SKIC3: variants seen among roughly 807,000 people sequenced by gnomAD.
SKIC3 encodes superkiller complex protein 3.
the SKIC3 span, chr5:95,514,714 T>C: frequency 1.4e-6 from 1 of 700,558 alleles, no homozygotes; most frequent in Non-Finnish European, 2.4e-6. Context: ...ACTGAAATAG[T>C]GTATACAAAG....
At chr5:95,529,313 C>G in the SKIC3 span, 1 of 606,510 alleles carries the variant, frequency 1.6e-6, no homozygotes. Flanking sequence ...CATCTTTATC[C>G]CAAATCACTA....
chr5:95,513,252 G>C, the SKIC3 span: 19 of 295,972 alleles, frequency 6.4e-5, no homozygotes, highest in East Asian at 1.3e-3. Context: ...CTGTTGCCCA[G>C]GCTGGAGTGC....
chr5:95,475,813 C>T, the SKIC3 span, among the ~76,000 whole-genome samples: 5 of 152,192 alleles, frequency 3.3e-5, no homozygotes, highest in Non-Finnish European at 7.3e-5. Context: ...GTAGTTTGGG[C>T]TGCAATCCAG....
the SKIC3 span, chr5:95,521,949 A>T: frequency 6.9e-7 from 1 of 1,455,462 alleles, no homozygotes; most frequent in Non-Finnish European, 9.4e-7. Flanking sequence ...CTGTTGACTA[A>T]AGAAGTCCTT....
At chr5:95,478,400 C>T in the SKIC3 span, 1 of 1,613,980 alleles carries the variant, frequency 6.2e-7, no homozygotes, top group South Asian at 1.1e-5. Flanking sequence ...CACATCTCTG[C>T]AGCTCTCATC....
chr5:95,537,056 T>C, the SKIC3 span: 1 of 1,613,516 alleles, frequency 6.2e-7, no homozygotes, highest in Admixed American at 1.7e-5. Context: ...GGATAAACTC[T>C]GAATGAAATG....
chr5:95,481,445 A>G, the SKIC3 span, among the ~76,000 whole-genome samples: 1 of 152,198 alleles, frequency 6.6e-6, no homozygotes. Flanking sequence ...TAAGTCCATT[A>G]AACCTCTTTC....
chr5:95,491,960 AAT>A, the SKIC3 span, among the ~76,000 whole-genome samples: 58 of 152,240 alleles, frequency 3.8e-4, no homozygotes, highest in African/African-American at 1.3e-3. Flanking sequence ...CACCCCACCC[AAT>A]ATATGTTTCT....
chr5:95,537,046 G>A, the SKIC3 span: 1 of 1,613,000 alleles, frequency 6.2e-7, no homozygotes, highest in South Asian at 1.1e-5. Context: ...AACTTACTTT[G>A]GATAAACTCT....
the SKIC3 span, chr5:95,546,894 A>G: frequency 3.1e-6 from 2 of 654,844 alleles, no homozygotes; most frequent in South Asian, 3.6e-5. Flanking sequence ...TGGCAGAGGT[A>G]GTTTATCCTG....
At chr5:95,536,782 C>T in the SKIC3 span, 1 of 1,527,934 alleles carries the variant, frequency 6.5e-7, no homozygotes, top group East Asian at 2.3e-5. Flanking sequence ...AATCACACAC[C>T]TCTAGGACAC....
the SKIC3 span, chr5:95,541,427 A>C: frequency 6.4e-7 from 1 of 1,568,782 alleles, no homozygotes; most frequent in Non-Finnish European, 8.8e-7. Context: ...TTTGAATCTG[A>C]TTAATAAAAA....
the SKIC3 span, chr5:95,540,706 T>C: frequency 6.2e-7 from 1 of 1,613,972 alleles, no homozygotes; most frequent in African/African-American, 1.3e-5. Flanking sequence ...CTGAGTTTCA[T>C]TATTCTGGTC....
the SKIC3 span, among the ~76,000 whole-genome samples, chr5:95,468,267 TAA>T: frequency 6.6e-6 from 1 of 152,134 alleles, no homozygotes; most frequent in African/African-American, 2.4e-5. Flanking sequence ...GGCAGAGAAG[TAA>T]ATTATTCCAA....
the SKIC3 span, among the ~76,000 whole-genome samples, chr5:95,474,256 C>A: frequency 6.6e-6 from 1 of 152,122 alleles, no homozygotes; most frequent in South Asian, 2.1e-4. Context: ...CTATTCTATT[C>A]CATTGGTCAA....
the SKIC3 span, among the ~76,000 whole-genome samples, chr5:95,506,664 T>C: frequency 3.9e-5 from 6 of 152,326 alleles, no homozygotes; most frequent in African/African-American, 1.4e-4. Flanking sequence ...TAACGAGGCT[T>C]CTACTGTTAG....
chr5:95,523,275 T>C, the SKIC3 span: 10 of 1,613,916 alleles, frequency 6.2e-6, no homozygotes, highest in Non-Finnish European at 8.5e-6. Flanking sequence ...CATTTTGCCG[T>C]TCCAGCACTT....
At chr5:95,534,019 T>C in the SKIC3 span, among the ~76,000 whole-genome samples, 2 of 152,132 alleles carry the variant, frequency 1.3e-5, no homozygotes. Context: ...AATAGCTGAA[T>C]AGGAAATAAA....
chr5:95,464,407 A>T, the SKIC3 span: 58 of 443,522 alleles, frequency 1.3e-4, no homozygotes, highest in Middle Eastern at 6.1e-4. Context: ...CCCAAATTAA[A>T]TTTTTTTTTT....
Sources: gnomAD v4.1 joint callset for allele counts (sites outside exome capture counted in the v4.1 genomes callset) on GRCh38, gnomAD v4.1.1 for gene constraint, MANE v1.5 for transcripts, NCBI Gene and HGNC (gene_info 2026-07-23, HGNC 2026-07-21) for gene names.